The following ADRA1A variants were observed in gnomAD, a reference collection of about 807,000 sequenced individuals.
ADRA1A encodes the protein adrenoceptor alpha 1A.
A neutral mutation model predicts 29.6 loss-of-function variants in ADRA1A; 31 were observed. That is an observed-to-expected ratio of 1.05 (90% CI 0.79 to 1.41). The LOEUF (loss-of-function observed/expected upper bound fraction) is 1.41. Among genes scored for constraint, ADRA1A ranks in the 40% most tolerant of loss-of-function variants. The probability of loss-of-function intolerance (pLI) is 0.00; values close to 1 mark genes in which losing one functional copy is unlikely to be tolerated. For synonymous variants in ADRA1A, 311 were observed against 254.3 expected (o/e 1.22, Z -2.12); for missense variants, 619 against 601.1 (o/e 1.03, Z -0.31).
intron 2 of ADRA1A, among the ~76,000 whole-genome samples, chr8:26,783,821 C>T (rs867859905): frequency 1.3e-5 from 2 of 152,148 alleles, no homozygotes; most frequent in Non-Finnish European, 2.9e-5. Context: ...AAATGTGGTA[C>T]ATATATACCA....
Position 26,769,110 on chromosome 8 carries a change from G to A in ADRA1A, c.*1039C>T. On this transcript the variant is annotated 3_prime_UTR_variant, in exon 3 of 3. Transcript: ENST00000380573. ...GGTGAAGCTCATTCATTATGCAATA[G>A]TGAAGCAGATAAGAAGTAATGGGAG... 1.0e-6 allele frequency: 1 copy of A among 985,086 alleles called. No individual in the cohort carries two copies. The allele number at this position is 985,086 out of a possible 1,614,324, so 61.0% of individuals were successfully genotyped here.
chr8:26,799,019 C>T (rs1157014536), intron 2 of ADRA1A, among the ~76,000 whole-genome samples: 1 of 152,054 alleles, frequency 6.6e-6, no homozygotes, highest in East Asian at 1.9e-4. Context: ...TAGCAAGTTT[C>T]AATAATGGAT....
chr8:26,847,677 C>A (rs962543084), intron 2 of ADRA1A, among the ~76,000 whole-genome samples: 1 of 152,196 alleles, frequency 6.6e-6, no homozygotes, highest in Non-Finnish European at 1.5e-5. Flanking sequence ...GACTGCTCTG[C>A]CAGCATTCCA....
rs961368618 is a variant in ADRA1A at position 26,787,629 on chromosome 8, G to A, written c.884-16963C>T. Among the ~76,000 whole-genome samples, 1 of 152,026 alleles carries A rather than the reference G, an allele frequency of 6.6e-6. No homozygotes were observed. Among genetic ancestry groups the A allele is most frequent in the Non-Finnish European group, 1.5e-5 (1 of 67,974 alleles). ...TGATAACAGAAATAGTTACCATCTC[G>A]TGTGCTGCATAAAAATATCAATGCC... On this transcript the variant is annotated intron_variant, in intron 2 of 2. Coordinates refer to ENST00000380573, the MANE Select transcript of ADRA1A (RefSeq NM_000680.4). This position sits in a 1 kb window ranked among gnomAD's most constrained non-coding sequence, Gnocchi z 4.2.
Position 26,859,009 on chromosome 8 carries a change from T to C in ADRA1A, c.883+5078A>G, listed in dbSNP as rs1813247816. ...TTCTCACAATATACAGGAAGGACCT[T>C]TGCAGTCAAATAGCCTACTCACCTG... On this transcript the variant is annotated intron_variant, in intron 2 of 2. Coordinates refer to ENST00000380573, the MANE Select transcript of ADRA1A (RefSeq NM_000680.4). 5.0e-6 allele frequency: 6 copies of C among 1,206,244 alleles called. No individual in the cohort carries two copies. The African/African-American group carries it at 6.3e-5, about 13-fold the overall frequency. The allele number at this position is 1,206,244 out of a possible 1,614,324, so 74.7% of individuals were successfully genotyped here.
chr8:26,820,281 A>G (rs1047439809), intron 2 of ADRA1A, among the ~76,000 whole-genome samples: 1 of 152,210 alleles, frequency 6.6e-6, no homozygotes, highest in African/African-American at 2.4e-5. Flanking sequence ...CAACAGCAGC[A>G]TAATATATGT....
intron 2 of ADRA1A, among the ~76,000 whole-genome samples, chr8:26,777,466 C>T (rs1159658773): frequency 6.6e-6 from 1 of 152,168 alleles, no homozygotes; most frequent in Non-Finnish European, 1.5e-5. Context: ...CCTCACTTAG[C>T]CTGTATGTCC....
downstream of ADRA1A, among the ~76,000 whole-genome samples, chr8:26,768,432 A>C (rs929307601): frequency 6.6e-6 from 1 of 152,152 alleles, no homozygotes; most frequent in Admixed American, 6.5e-5. Context: ...CCATATTTTA[A>C]TTTTTACTTA....
downstream of ADRA1A, among the ~76,000 whole-genome samples, chr8:26,755,444 G>A (rs1014912344): frequency 9.9e-5 from 15 of 152,098 alleles, no homozygotes; most frequent in Admixed American, 5.9e-4. Flanking sequence ...TGGGCAATGG[G>A]GGTTTGTAGA....
intron 2 of ADRA1A, among the ~76,000 whole-genome samples, chr8:26,758,822 CT>C (rs927693734): frequency 6.6e-6 from 1 of 152,176 alleles, no homozygotes; most frequent in Non-Finnish European, 1.5e-5. Context: ...CAGTATTTCT[CT>C]TTTTCAAAAC....
At chr8:26,772,761 T>C (rs1246111442) in intron 2 of ADRA1A, among the ~76,000 whole-genome samples, 2 of 152,084 alleles carry the variant, frequency 1.3e-5, no homozygotes, top group African/African-American at 4.8e-5. Flanking sequence ...TAAACTTAAA[T>C]ACTGAAGAAC....
chr8:26,789,104 C>T (rs995570565), intron 2 of ADRA1A, among the ~76,000 whole-genome samples: 4 of 151,528 alleles, frequency 2.6e-5, no homozygotes, highest in Non-Finnish European at 2.9e-5. Context: ...TTCCCCTTTT[C>T]CCCCCACCCC....
In ADRA1A at chr8:26,864,395, G is replaced by T. The variant is rs1192561072; in HGVS notation, c.575C>A (p.Ser192Tyr). The change falls in exon 2 of 3, where the codon TCC (serine) becomes TAC (tyrosine). Residue 192 changes from serine to tyrosine, a missense_variant. Ser to Tyr is a moderately radical substitution (Grantham distance 144). Coordinates refer to ENST00000380573, the MANE Select transcript of ADRA1A (RefSeq NM_000680.4). The surrounding 1 kb of genome is among the most constrained non-coding windows in gnomAD (Gnocchi z 8.1). ...GATGATGGCCAGAGGCAGGTAGAAG[G>T]AGCCCAGCGCTGAGAAGAGCACGTA... is the stretch of plus-strand genomic sequence containing the variant. ...PGYVLFSALG[S>Y]FYLPLAIILV... The T allele has an allele frequency of 6.2e-7, 1 of 1,613,670 alleles. No homozygotes were observed. Among genetic ancestry groups the T allele is most frequent in the Non-Finnish European group, 8.5e-7 (1 of 1,180,018 alleles).
intron 2 of ADRA1A, among the ~76,000 whole-genome samples, chr8:26,760,606 G>A (rs1244367084): frequency 1.3e-5 from 2 of 152,188 alleles, no homozygotes; most frequent in Non-Finnish European, 2.9e-5. Context: ...GTGCCCCAGG[G>A]TGATCACAGG....
At chr8:26,836,718 G>A (rs1811390498) in intron 2 of ADRA1A, among the ~76,000 whole-genome samples, 1 of 152,174 alleles carries the variant, frequency 6.6e-6, no homozygotes, top group Admixed American at 6.5e-5. Context: ...CAAATAAGTA[G>A]CGTCTTATAG....
At chr8:26,784,792 G>A (rs1236385689) in intron 2 of ADRA1A, among the ~76,000 whole-genome samples, 1 of 152,162 alleles carries the variant, frequency 6.6e-6, no homozygotes, top group Non-Finnish European at 1.5e-5. Flanking sequence ...AAGGCTGCTA[G>A]GGAGACCAAC....
chr8:26,855,216 C>T (rs199704491), intron 2 of ADRA1A, among the ~76,000 whole-genome samples: 2 of 85,490 alleles, frequency 2.3e-5, no homozygotes, highest in African/African-American at 3.1e-5. Flanking sequence ...TGTGTGCATG[C>T]ATGTGTGTGT....
At chr8:26,846,381 G>T (rs908437840) in intron 2 of ADRA1A, among the ~76,000 whole-genome samples, 1 of 152,188 alleles carries the variant, frequency 6.6e-6, no homozygotes, top group Non-Finnish European at 1.5e-5. Context: ...TGTTGTGGGG[G>T]CTGTCCTGTG....
At chr8:26,791,556 G>A (rs1807836535) in intron 2 of ADRA1A, among the ~76,000 whole-genome samples, 1 of 152,168 alleles carries the variant, frequency 6.6e-6, no homozygotes, top group Non-Finnish European at 1.5e-5. Flanking sequence ...GTGAGGTTGG[G>A]TGCCACGAAG....
Sources: allele counts gnomAD v4.1 joint callset (sites outside exome capture counted in the v4.1 genomes callset), GRCh38; gene constraint gnomAD v4.1.1; non-coding constraint Gnocchi (gnomAD v3.1); transcripts MANE v1.5; gene names NCBI Gene and HGNC (gene_info 2026-07-23, HGNC 2026-07-21).